The following ADAM12 variants were observed in gnomAD, a reference collection of about 807,000 sequenced individuals.
ADAM12 encodes the protein ADAM metallopeptidase domain 12.
A neutral mutation model predicts 106.4 loss-of-function variants in ADAM12; 70 were observed. The observed-to-expected ratio is 0.66, with a 90% CI of 0.54 to 0.80. ADAM12 has a LOEUF of 0.80. ADAM12 is among the 30% of genes least tolerant of loss of function. The pLI, the probability that ADAM12 is intolerant of heterozygous loss-of-function variation, is 0.00. For synonymous variants in ADAM12, 420 were observed against 433.5 expected, an observed-to-expected ratio of 0.97 and a Z score of 0.39; for missense variants, 1,010 against 1,171.9, an observed-to-expected ratio of 0.86 and a Z score of 2.02.
chr10:126,111,855 G>T (rs1048096366), intron 6 of ADAM12, among the ~76,000 whole-genome samples: 1 of 152,136 alleles, frequency 6.6e-6, no homozygotes, highest in African/African-American at 2.4e-5. Flanking sequence ...CACACACAGA[G>T]AGAGGTTTAC....
chr10:126,125,573 G>A (rs957421959), intron 5 of ADAM12, among the ~76,000 whole-genome samples: 3 of 151,908 alleles, frequency 2.0e-5, no homozygotes, highest in South Asian at 4.2e-4. Context: ...AATATTTACA[G>A]CAATCCTGTA....
intron 3 of ADAM12, among the ~76,000 whole-genome samples, chr10:126,178,606 G>C (rs953772505): frequency 2.0e-5 from 3 of 151,742 alleles, no homozygotes; most frequent in Middle Eastern, 3.4e-3. Flanking sequence ...ACAGAAACAG[G>C]CTTCAGAGAG....
At chr10:126,352,670 G>A (rs906031277) in intron 1 of ADAM12, among the ~76,000 whole-genome samples, 1 of 152,290 alleles carries the variant, frequency 6.6e-6, no homozygotes, top group Admixed American at 6.5e-5. Context: ...AGTGTTTCCT[G>A]CATCTGTCAC....
chr10:126,277,251 AT>A (rs1360899230), intron 3 of ADAM12, among the ~76,000 whole-genome samples: 1 of 152,120 alleles, frequency 6.6e-6, no homozygotes, highest in Non-Finnish European at 1.5e-5. Flanking sequence ...GGGTATGTAT[AT>A]TGTTTTCATA....
chr10:126,322,217 G>A (rs192665680), intron 2 of ADAM12, among the ~76,000 whole-genome samples: 77 of 152,228 alleles, frequency 5.1e-4, no homozygotes, highest in African/African-American at 1.6e-3. Context: ...CTGCTTCTAC[G>A]CAACAGCCCA....
At position 126,049,151 on chromosome 10, in the gene ADAM12, AT is replaced by A; in HGVS notation, c.1917+101del. 1.4e-6 allele frequency: 2 copies of A among 1,464,546 alleles called. No individual in the cohort carries two copies. The highest frequency in any genetic ancestry group is 1.9e-6 in the Non-Finnish European group (2 of 1,063,320). The allele number at this position is 1,464,546 out of a possible 1,614,324, so 90.7% of individuals were successfully genotyped here. On this transcript the variant is annotated intron_variant, in intron 16 of 22. Coordinates refer to ENST00000448723, the MANE Select transcript of ADAM12 (RefSeq NM_001288973.2). This position sits in a 1 kb window ranked among gnomAD's most constrained non-coding sequence, Gnocchi z 4.4. ...TCTAGGTGCATCTGAGAAGAAGTAG[AT>A]TTAGGAAAACCAACAAACCTTGTAA... is the stretch of plus-strand genomic sequence containing the variant.
At chr10:126,120,321 C>T (rs1351964227) in intron 5 of ADAM12, among the ~76,000 whole-genome samples, 4 of 152,120 alleles carry the variant, frequency 2.6e-5, no homozygotes, top group Non-Finnish European at 5.9e-5. Context: ...AATGATTACT[C>T]AATGGGGGCA....
At position 126,051,588 on chromosome 10, in the gene ADAM12, T is replaced by TCCAGCCAGCCAGCCAG. The variant is rs199619555; in HGVS notation, c.1610-1920_1610-1919insCTGGCTGGCTGGCTGG. 1.9e-3 allele frequency among the ~76,000 whole-genome samples: 242 copies of TCCAGCCAGCCAGCCAG among 124,340 alleles called. 2 individuals are homozygous for TCCAGCCAGCCAGCCAG. The highest frequency in any genetic ancestry group is 6.2e-3 in the Admixed American group (75 of 12,110). 81.6% of individuals were successfully genotyped at this position (124,340 alleles called of 152,430 possible). A position where few individuals can be genotyped will look rare whatever the true frequency, so the allele number is the denominator to read the frequency against. On this transcript the variant is annotated intron_variant, in intron 14 of 22. Coordinates refer to ENST00000448723, the MANE Select transcript of ADAM12 (RefSeq NM_001288973.2). ...ATCCATCCATCCATCCATCCATCCA[T>TCCAGCCAGCCAGCCAG]CCAGCCAGCCAGCCACCTGTCCATC...
chr10:126,246,500 A>C (rs1308801757), intron 3 of ADAM12, among the ~76,000 whole-genome samples: 1 of 152,240 alleles, frequency 6.6e-6, no homozygotes, highest in Non-Finnish European at 1.5e-5. Flanking sequence ...ATACTGGCAA[A>C]CAGAATCCAG....
At chr10:126,334,085 A>G (rs1187618872) in intron 1 of ADAM12, among the ~76,000 whole-genome samples, 1 of 152,200 alleles carries the variant, frequency 6.6e-6, no homozygotes, top group Non-Finnish European at 1.5e-5. Flanking sequence ...TATTTCTTTT[A>G]GATGATGCAA....
intron 11 of ADAM12, among the ~76,000 whole-genome samples, chr10:126,092,438 T>C (rs1955483487): frequency 6.6e-6 from 1 of 152,214 alleles, no homozygotes; most frequent in Admixed American, 6.5e-5. Context: ...CCTTATACCC[T>C]AAGAAGGAAA....
intron 14 of ADAM12, among the ~76,000 whole-genome samples, chr10:126,056,563 G>T (rs1954635664): frequency 6.6e-6 from 1 of 152,190 alleles, no homozygotes; most frequent in Admixed American, 6.5e-5. Flanking sequence ...GGTAGTGGTG[G>T]TGAGGGTTTG....
chr10:126,247,217 C>T (rs1161554874), intron 3 of ADAM12, among the ~76,000 whole-genome samples: 1 of 152,160 alleles, frequency 6.6e-6, no homozygotes, highest in Non-Finnish European at 1.5e-5. Context: ...AAGGCCATTG[C>T]TAGAAAATTG....
intron 3 of ADAM12, among the ~76,000 whole-genome samples, chr10:126,186,317 A>G (rs1194975616): frequency 6.6e-6 from 1 of 152,188 alleles, no homozygotes; most frequent in African/African-American, 2.4e-5. Flanking sequence ...AAAAAGTGAG[A>G]GTCTATTGCC....
intron 11 of ADAM12, among the ~76,000 whole-genome samples, chr10:126,082,410 C>G (rs1272133168): frequency 8.0e-6 from 1 of 125,050 alleles, no homozygotes; most frequent in Admixed American, 1.0e-4. Flanking sequence ...GCTCTGTAGC[C>G]CAGGTTGGAG....
intron 2 of ADAM12, among the ~76,000 whole-genome samples, chr10:126,297,205 T>C (rs1425168551): frequency 2.7e-4 from 41 of 152,286 alleles, no homozygotes; most frequent in Non-Finnish European, 8.8e-5. Flanking sequence ...ACATTCAGCA[T>C]AATTCACAGT....
chr10:126,128,539 G>A (rs1419548307), intron 5 of ADAM12, among the ~76,000 whole-genome samples: 4 of 152,002 alleles, frequency 2.6e-5, no homozygotes, highest in Non-Finnish European at 5.9e-5. Context: ...AGTGTGTGGT[G>A]TACATGTGGG....
intron 3 of ADAM12, among the ~76,000 whole-genome samples, chr10:126,211,027 C>T (rs1217057558): frequency 6.6e-6 from 1 of 152,092 alleles, no homozygotes; most frequent in African/African-American, 2.4e-5. Flanking sequence ...GTCTTGGTGC[C>T]ACTCAGGCAC....
At chr10:126,369,429 A>G (rs4475843) in intron 1 of ADAM12, among the ~76,000 whole-genome samples, 98,450 of 152,056 alleles carry the variant, frequency 0.65, 32,143 homozygotes, top group Admixed American at 0.73. Context: ...CATTTTGAGA[A>G]CATTTAGCAG....
Sources: gnomAD v4.1 joint callset for allele counts (sites outside exome capture counted in the v4.1 genomes callset) on GRCh38, gnomAD v4.1.1 for gene constraint, Gnocchi (gnomAD v3.1) non-coding constraint, MANE v1.5 for transcripts, NCBI Gene and HGNC (gene_info 2026-07-23, HGNC 2026-07-21) for gene names.